Variants in MET observed in about 807,000 individuals in gnomAD.
The protein encoded by MET is hepatocyte growth factor receptor.
A neutral mutation model predicts 133.1 loss-of-function variants in MET; 48 were observed. The ratio of observed to expected loss-of-function variants is 0.36; its 90% CI spans 0.29 to 0.46. The LOEUF (loss-of-function observed/expected upper bound fraction) is 0.46. MET is among the 20% of genes least tolerant of loss of function. MET has a pLI of 1.00. For missense variants in MET, 1,442 were observed against 1,695.9 expected (o/e 0.85, Z 2.63); for synonymous variants, 628 against 616.5 (o/e 1.02, Z -0.28).
chr7:116,768,208 A>G (rs534286739), intron 11 of MET, among the ~76,000 whole-genome samples: 1 of 152,204 alleles, frequency 6.6e-6, no homozygotes, highest in Non-Finnish European at 1.5e-5. Flanking sequence ...TGGAAACACA[A>G]ATGTTGTACA....
chr7:116,771,030 C>T (rs1794812137), intron 12 of MET, among the ~76,000 whole-genome samples: 1 of 152,124 alleles, frequency 6.6e-6, no homozygotes, highest in South Asian at 2.1e-4. Flanking sequence ...TAAAAATATT[C>T]TGAGACTTTA....
intron 3 of MET, among the ~76,000 whole-genome samples, chr7:116,733,937 G>T (rs1325481654): frequency 6.6e-6 from 1 of 152,154 alleles, no homozygotes; most frequent in African/African-American, 2.4e-5. Context: ...TTGCCTAAGA[G>T]AATTTCATTC....
intron 16 of MET, among the ~76,000 whole-genome samples, chr7:116,778,472 AG>A (rs1027646670): frequency 2.6e-5 from 4 of 152,230 alleles, no homozygotes; most frequent in African/African-American, 9.6e-5. Context: ...TCTGACCATG[AG>A]GGAAATAAAT....
At position 116,782,117 on chromosome 7, in the gene MET, T is replaced by A. The variant is rs2117060902; in HGVS notation, c.3632+20T>A. On this transcript the variant is annotated intron_variant, in intron 18 of 20. Coordinates refer to ENST00000397752, the MANE Select transcript of MET (RefSeq NM_000245.4). ...CTGTATGTAAGTATCAGAATCTCTG[T>A]GCCACAATCCAAATTAAGTGACAAG... is the stretch of plus-strand genomic sequence containing the variant. 6.6e-7 allele frequency: 1 copy of A among 1,505,416 alleles called. No individual in the cohort carries two copies. The allele number at this position is 1,505,416 out of a possible 1,614,324, so 93.3% of individuals were successfully genotyped here.
chr7:116,763,774 A>G (rs1444382256), intron 11 of MET, among the ~76,000 whole-genome samples: 1 of 152,228 alleles, frequency 6.6e-6, no homozygotes, highest in African/African-American at 2.4e-5. Context: ...TTTAATAGAG[A>G]ATAACAGATC....
Position 116,771,915 on chromosome 7 carries a change from G to A in MET, c.2954G>A (p.Ser985Asn), listed in dbSNP as rs779906308. The A allele has an allele frequency of 1.9e-6, 3 of 1,613,922 alleles. 1 individual carries two copies. In the South Asian group the frequency reaches 3.3e-5, roughly 18 times the overall value. ...ACTCCTCATTTGGATAGGCTTGTAA[G>A]TGCCCGAAGTGTAAGCCCAACTACA... ...VHTPHLDRLVSARSVSPTTEM... is the reference protein window; with the variant it reads ...VHTPHLDRLVNARSVSPTTEM... Residue 985 changes from serine (S) to asparagine (N), a missense_variant, in exon 14 of 21, where the codon AGT (serine) becomes AAT (asparagine). This residue lies in a region of MET where 514 missense variants were observed against 659.6 expected (regional missense o/e 0.78). Transcript: ENST00000397752.
chr7:116,749,316 A>G (rs1156447103), intron 5 of MET, among the ~76,000 whole-genome samples: 1 of 152,216 alleles, frequency 6.6e-6, no homozygotes, highest in Non-Finnish European at 1.5e-5. Flanking sequence ...AGGCAAATCA[A>G]TAAACATAAT....
At chr7:116,684,861 A>G (rs1389050816) in intron 1 of MET, among the ~76,000 whole-genome samples, 1 of 152,188 alleles carries the variant, frequency 6.6e-6, no homozygotes, top group Non-Finnish European at 1.5e-5. Flanking sequence ...TTAGAAAGAT[A>G]TCTCTGGTAT....
intron 5 of MET, among the ~76,000 whole-genome samples, chr7:116,741,293 C>G (rs1225219480): frequency 6.6e-6 from 1 of 152,154 alleles, no homozygotes; most frequent in Non-Finnish European, 1.5e-5. Flanking sequence ...TAGGTTCTAT[C>G]GCTGGGCAGC....
chr7:116,726,178 TGGGATATA>T (rs1792777495), intron 2 of MET, among the ~76,000 whole-genome samples: 3 of 3,592 alleles, frequency 8.4e-4, no homozygotes, highest in Admixed American at 3.1e-3. Flanking sequence ...TATATATATA[TGGGATATA>T]AAACAAATAC....
At chr7:116,713,264 G>A (rs1390926163) in intron 2 of MET, among the ~76,000 whole-genome samples, 2 of 151,928 alleles carry the variant, frequency 1.3e-5, no homozygotes, top group South Asian at 2.1e-4. Context: ...GGGTAATGGC[G>A]GGCGCCTGTA....
chr7:116,673,056 G>A (rs77653812), intron 1 of MET, among the ~76,000 whole-genome samples: 3,809 of 152,242 alleles, frequency 0.025, 171 homozygotes, highest in African/African-American at 0.085. Flanking sequence ...ATCACGCGGG[G>A]CTTGTGATCC....
chr7:116,750,954 A>T (rs530540905), intron 5 of MET, among the ~76,000 whole-genome samples: 1 of 152,342 alleles, frequency 6.6e-6, no homozygotes, highest in East Asian at 1.9e-4. Flanking sequence ...GAAATAGGGA[A>T]TGCTTTTACA....
chr7:116,763,545 C>T (rs1794490399), intron 11 of MET, among the ~76,000 whole-genome samples: 1 of 152,190 alleles, frequency 6.6e-6, no homozygotes, highest in African/African-American at 2.4e-5. Flanking sequence ...CCGCGTCATG[C>T]ATTATCTTGC....
chr7:116,677,167 TCACTGATCCCTTC>T (rs1796191978), intron 1 of MET, among the ~76,000 whole-genome samples: 1 of 152,102 alleles, frequency 6.6e-6, no homozygotes, highest in Admixed American at 6.5e-5. Flanking sequence ...ATGGCTTTTT[TCACTGATCCCTTC>T]CATAGTATAA....
chr7:116,741,046 G>A (rs774216118), intron 5 of MET, 21 bp downstream of exon 5: 2 of 1,608,694 alleles, frequency 1.2e-6, no homozygotes, highest in Non-Finnish European at 1.7e-6. Flanking sequence ...CTAACAGCTG[G>A]CATACATGTT....
At chr7:116,754,983 G>GGAAAGAA (rs1794103961) in intron 5 of MET, among the ~76,000 whole-genome samples, 1 of 78,632 alleles carries the variant, frequency 1.3e-5, no homozygotes, top group South Asian at 5.5e-4. Context: ...AGCAGAGAAA[G>GGAAAGAA]GAAAGAAAGA....
chr7:116,748,558 G>T (rs2116875332), intron 5 of MET, among the ~76,000 whole-genome samples: 1 of 152,200 alleles, frequency 6.6e-6, no homozygotes, highest in East Asian at 1.9e-4. Flanking sequence ...CATCACAATT[G>T]AAAGAACTAG....
chr7:116,737,122 G>A (rs1180346486), intron 3 of MET, among the ~76,000 whole-genome samples: 2 of 152,166 alleles, frequency 1.3e-5, no homozygotes, highest in African/African-American at 2.4e-5. Context: ...CAGCCTCTGC[G>A]CAAAATTCCA....
Sources: allele counts gnomAD v4.1 joint callset (sites outside exome capture counted in the v4.1 genomes callset), GRCh38; gene constraint gnomAD v4.1.1; regional missense constraint gnomAD v4.1.1; transcripts MANE v1.5; gene names NCBI Gene and HGNC (gene_info 2026-07-23, HGNC 2026-07-21).